The following HS6ST3 variants were observed in gnomAD, a reference collection of about 807,000 sequenced individuals.
HS6ST3 encodes heparan-sulfate 6-O-sulfotransferase 3.
A neutral mutation model predicts 36.7 loss-of-function variants in HS6ST3; 12 were observed. The observed-to-expected ratio is 0.33, with a 90% confidence interval of 0.21 to 0.53. HS6ST3 has a LOEUF of 0.53. HS6ST3 is among the 20% of genes least tolerant of loss of function. HS6ST3 has a pLI of 0.95. For missense variants in HS6ST3, 584 were observed against 640.9 expected, an observed-to-expected ratio of 0.91 and a Z score of 0.96; for synonymous variants, 240 against 257.5, an observed-to-expected ratio of 0.93 and a Z score of 0.65.
At chr13:96,592,212 C>T (rs2138976135) in intron 1 of HS6ST3, among the ~76,000 whole-genome samples, 1 of 152,094 alleles carries the variant, frequency 6.6e-6, no homozygotes, top group Middle Eastern at 3.4e-3. Context: ...TGTCATAACC[C>T]ATTATTTTAA....
Position 96,467,970 on chromosome 13 carries a change from T to G in HS6ST3, c.708-364520T>G, listed in dbSNP as rs367665791. The stretch of plus-strand genomic sequence containing the variant: ...ATGGACTGGGAACAGCATTAGTCAG[T>G]ATCAACATTGTAGCTGAAACCCAGG... On this transcript the variant is annotated intron_variant, in intron 1 of 1. Transcript: ENST00000376705. Among the ~76,000 whole-genome samples the G allele has an allele frequency of 2.0e-5, 3 of 152,172 alleles. No individual in the cohort carries two copies. The East Asian group carries it at 5.8e-4, about 29-fold the overall frequency.
At chr13:96,513,600 A>G (rs2056059712) in intron 1 of HS6ST3, among the ~76,000 whole-genome samples, 1 of 151,992 alleles carries the variant, frequency 6.6e-6, no homozygotes. Flanking sequence ...CATTGTCTTA[A>G]ATATTCTTTG....
chr13:96,168,180 A>G (rs1338878594), intron 1 of HS6ST3, among the ~76,000 whole-genome samples: 1 of 152,086 alleles, frequency 6.6e-6, no homozygotes, highest in Non-Finnish European at 1.5e-5. Flanking sequence ...ACCACTCTCT[A>G]GGGCATGTAT....
At chr13:96,503,043 TAA>T (rs1384264263) in intron 1 of HS6ST3, among the ~76,000 whole-genome samples, 4 of 152,200 alleles carry the variant, frequency 2.6e-5, no homozygotes, top group African/African-American at 9.6e-5. Context: ...CTATGCTCAC[TAA>T]AAAGAGTTTT....
rs116847964 is a variant in HS6ST3, at chr13:96,558,248, C to T, written c.708-274242C>T. 8.4e-3 allele frequency among the ~76,000 whole-genome samples: 1,284 copies of T among 152,262 alleles called. 12 individuals are homozygous for T. The highest frequency in any genetic ancestry group is 0.014 in the Non-Finnish European group (962 of 68,026). On this transcript the variant is annotated intron_variant, in intron 1 of 1. Transcript: ENST00000376705. ...TACAGCTTTAATTATCACCTAGGTT[C>T]TGATAATGCTCAAATTGAGATGCAT...
intron 1 of HS6ST3, among the ~76,000 whole-genome samples, chr13:96,557,170 T>C (rs1257754066): frequency 6.6e-6 from 1 of 152,210 alleles, no homozygotes; most frequent in Non-Finnish European, 1.5e-5. Flanking sequence ...TATTTTCACA[T>C]GTATAGGCTC....
chr13:96,615,721 GT>G (rs1329602095), intron 1 of HS6ST3, among the ~76,000 whole-genome samples: 1 of 152,160 alleles, frequency 6.6e-6, no homozygotes, highest in Non-Finnish European at 1.5e-5. Context: ...AAGCATGAAG[GT>G]TTTTAAGACC....
intron 1 of HS6ST3, among the ~76,000 whole-genome samples, chr13:96,346,338 G>T (rs2055154172): frequency 1.3e-5 from 2 of 152,160 alleles, no homozygotes; most frequent in South Asian, 4.1e-4. Context: ...ACTTTGGGAG[G>T]CCAAGGTGGG....
At chr13:96,116,650 T>A (rs1200879385) in intron 1 of HS6ST3, among the ~76,000 whole-genome samples, 1 of 152,238 alleles carries the variant, frequency 6.6e-6, no homozygotes, top group Non-Finnish European at 1.5e-5. Context: ...GTATGCACTA[T>A]TGAACTGAAC....
chr13:96,644,666 T>C (rs1185456415), intron 1 of HS6ST3, among the ~76,000 whole-genome samples: 4 of 151,958 alleles, frequency 2.6e-5, no homozygotes, highest in African/African-American at 9.7e-5. Context: ...CTTCATAACA[T>C]GCAGTCCGTG....
chr13:96,660,495 CTCTTA>C (rs1450707921), intron 1 of HS6ST3, among the ~76,000 whole-genome samples: 1 of 152,092 alleles, frequency 6.6e-6, no homozygotes, highest in Non-Finnish European at 1.5e-5. Context: ...TGGAATTTGA[CTCTTA>C]TCTTATACCA....
At chr13:96,752,549 T>C (rs537709384) in intron 1 of HS6ST3, among the ~76,000 whole-genome samples, 1 of 152,318 alleles carries the variant, frequency 6.6e-6, no homozygotes, top group South Asian at 2.1e-4. Context: ...CCCTAATTAC[T>C]AGCTGAGTTG....
intron 1 of HS6ST3, among the ~76,000 whole-genome samples, chr13:96,577,854 A>G (rs977006284): frequency 3.9e-4 from 60 of 152,222 alleles, no homozygotes; most frequent in Non-Finnish European, 4.8e-4. Flanking sequence ...GATGCTGGAG[A>G]GGATGTGGAG....
chr13:96,124,816 A>T (rs1466604984), intron 1 of HS6ST3, among the ~76,000 whole-genome samples: 6 of 152,214 alleles, frequency 3.9e-5, no homozygotes, highest in Non-Finnish European at 7.3e-5. Flanking sequence ...CGCAGGTAAG[A>T]TCAAGTACTG....
At chr13:96,555,851 A>T (rs938024845) in intron 1 of HS6ST3, among the ~76,000 whole-genome samples, 1 of 152,174 alleles carries the variant, frequency 6.6e-6, no homozygotes, top group African/African-American at 2.4e-5. Context: ...TACTGAACTG[A>T]AGCAAGATGT....
intron 1 of HS6ST3, among the ~76,000 whole-genome samples, chr13:96,746,957 G>A (rs1412724355): frequency 6.6e-6 from 1 of 152,024 alleles, no homozygotes; most frequent in African/African-American, 2.4e-5. Flanking sequence ...GATGTCAGTT[G>A]TTTGTCAGGG....
At chr13:96,120,430 T>C (rs2053919731) in intron 1 of HS6ST3, among the ~76,000 whole-genome samples, 1 of 152,246 alleles carries the variant, frequency 6.6e-6, no homozygotes, top group African/African-American at 2.4e-5. Context: ...TACAATATAT[T>C]AATAACTGAA....
intron 1 of HS6ST3, among the ~76,000 whole-genome samples, chr13:96,408,504 GA>G (rs1566352501): frequency 6.6e-6 from 1 of 152,086 alleles, no homozygotes; most frequent in Non-Finnish European, 1.5e-5. Flanking sequence ...ATTTGTTGTC[GA>G]ATAGGCAGTG....
At chr13:96,180,847 T>TCATC (rs2054236525) in intron 1 of HS6ST3, among the ~76,000 whole-genome samples, 2 of 152,188 alleles carry the variant, frequency 1.3e-5, no homozygotes, top group East Asian at 3.8e-4. Context: ...GTAACAAACA[T>TCATC]CATCCATCCA....
Sources: gnomAD v4.1 joint callset for allele counts (sites outside exome capture counted in the v4.1 genomes callset) on GRCh38, gnomAD v4.1.1 for gene constraint, MANE v1.5 for transcripts, NCBI Gene and HGNC (gene_info 2026-07-23, HGNC 2026-07-21) for gene names.